The following STK32A variants were observed in gnomAD, a reference collection of about 807,000 sequenced individuals.
The protein encoded by STK32A is serine/threonine-protein kinase 32A.
A neutral mutation model predicts 53.2 loss-of-function variants in STK32A; 41 were observed. The ratio of observed to expected loss-of-function variants is 0.77; its 90% CI spans 0.60 to 1.00. The LOEUF is 1.00. Among genes scored for constraint, STK32A ranks in the 50% least tolerant of loss-of-function variants. The pLI, the probability that STK32A is intolerant of heterozygous loss-of-function variation, is 0.00. For missense variants in STK32A, 458 were observed against 485.8 expected (o/e 0.94, Z 0.54); for synonymous variants, 166 against 162.8 (o/e 1.02, Z -0.15).
intron 6 of STK32A, among the ~76,000 whole-genome samples, chr5:147,349,794 G>A (rs984119388): frequency 6.6e-6 from 1 of 152,058 alleles, no homozygotes; most frequent in Non-Finnish European, 1.5e-5. Flanking sequence ...CCAGTCTAGT[G>A]CTCTTTATAG....
intron 7 of STK32A, among the ~76,000 whole-genome samples, chr5:147,355,790 G>A (rs1323817939): frequency 0.035 from 4,740 of 136,730 alleles, 284 homozygotes; most frequent in African/African-American, 0.12. Context: ...GAGTGTGTGT[G>A]TGTATATATA....
At chr5:147,394,357 C>T in the STK32A span, among the ~76,000 whole-genome samples, 1 of 152,154 alleles carries the variant, frequency 6.6e-6, no homozygotes, top group African/African-American at 2.4e-5. Context: ...TTTCATCTGA[C>T]CCAGAGCATG....
chr5:147,396,962 G>A, the STK32A span, among the ~76,000 whole-genome samples: 2 of 131,388 alleles, frequency 1.5e-5, no homozygotes, highest in Admixed American at 7.9e-5. Context: ...ACGCATTTTT[G>A]TTTTTAATTA....
chr5:147,367,494 C>T (rs745438892), intron 8 of STK32A, among the ~76,000 whole-genome samples: 17 of 151,884 alleles, frequency 1.1e-4, no homozygotes, highest in Admixed American at 4.6e-4. Flanking sequence ...GGGCTGAGTC[C>T]GAAAAGAGAA....
chr5:147,306,694 T>C (rs926804562), intron 4 of STK32A, among the ~76,000 whole-genome samples: 1 of 152,090 alleles, frequency 6.6e-6, no homozygotes, highest in African/African-American at 2.4e-5. Context: ...GTATAATAAA[T>C]TTTAAATCTT....
chr5:147,300,949 C>T (rs1442999540), intron 4 of STK32A, among the ~76,000 whole-genome samples: 1 of 152,098 alleles, frequency 6.6e-6, no homozygotes, highest in East Asian at 1.9e-4. Flanking sequence ...GGCACAGGGG[C>T]CAAGGGAAAA....
At chr5:147,323,853 T>A in intron 4 of STK32A, 45 bp from the exon 5 acceptor site, 1 of 1,506,866 alleles carries the variant, frequency 6.6e-7, no homozygotes. Context: ...GACTCTTTAA[T>A]GTGTAAATAT....
At chr5:147,260,000 T>C (rs1308816316) in intron 2 of STK32A, among the ~76,000 whole-genome samples, 2 of 126,616 alleles carry the variant, frequency 1.6e-5, no homozygotes, top group African/African-American at 3.1e-5. Context: ...CTCTCTCTCT[T>C]TCTCTCTCCT....
intron 5 of STK32A, among the ~76,000 whole-genome samples, chr5:147,331,359 A>G (rs1244778813): frequency 6.6e-6 from 1 of 152,196 alleles, no homozygotes; most frequent in South Asian, 2.1e-4. Flanking sequence ...GAGGGGATTA[A>G]GCAACTTGCC....
intron 2 of STK32A, among the ~76,000 whole-genome samples, chr5:147,266,356 C>A (rs1754809428): frequency 6.6e-6 from 1 of 152,100 alleles, no homozygotes; most frequent in Admixed American, 6.6e-5. Context: ...AATATTAGAA[C>A]AACATTCAAA....
intron 4 of STK32A, among the ~76,000 whole-genome samples, chr5:147,288,643 TCACTA>T (rs897085935): frequency 1.3e-5 from 2 of 150,724 alleles, no homozygotes; most frequent in Non-Finnish European, 3.0e-5. Context: ...GAGGAGAGAG[TCACTA>T]CACACTTTTA....
intron 6 of STK32A, 94 bp downstream of exon 6, chr5:147,343,137 T>C: frequency 2.9e-6 from 4 of 1,356,942 alleles, no homozygotes; most frequent in Non-Finnish European, 4.2e-6. Flanking sequence ...GAAAAAGGTA[T>C]TTTGTTCTAT....
chr5:147,334,611 G>A (rs75404872), intron 5 of STK32A, among the ~76,000 whole-genome samples: 3,471 of 152,294 alleles, frequency 0.023, 65 homozygotes, highest in Non-Finnish European at 0.033. Context: ...TAGTTCATAA[G>A]GTTGTTTGAG....
At chr5:147,341,422 G>A (rs956748647) in intron 5 of STK32A, among the ~76,000 whole-genome samples, 1 of 152,184 alleles carries the variant, frequency 6.6e-6, no homozygotes, top group Admixed American at 6.5e-5. Flanking sequence ...GATAGAATAT[G>A]ATATTAATCA....
At chr5:147,341,813 C>T (rs1755427323) in intron 5 of STK32A, among the ~76,000 whole-genome samples, 1 of 152,086 alleles carries the variant, frequency 6.6e-6, no homozygotes, top group Non-Finnish European at 1.5e-5. Flanking sequence ...ATCAAAGTAT[C>T]ATGTTGGCCA....
chr5:147,351,601 C>T (rs1373532211), intron 7 of STK32A, among the ~76,000 whole-genome samples: 2 of 151,792 alleles, frequency 1.3e-5, no homozygotes, highest in Admixed American at 6.6e-5. Flanking sequence ...GTAATCCCAG[C>T]ACTTTGGGAG....
intron 11 of STK32A, among the ~76,000 whole-genome samples, chr5:147,381,549 A>G (rs925631745): frequency 6.6e-6 from 1 of 152,052 alleles, no homozygotes; most frequent in Non-Finnish European, 1.5e-5. Context: ...TGGCTAAGGC[A>G]AGAGAATCTC....
chr5:147,378,060 G>A (rs1303000795), intron 11 of STK32A, among the ~76,000 whole-genome samples: 1 of 152,062 alleles, frequency 6.6e-6, no homozygotes, highest in Non-Finnish European at 1.5e-5. Flanking sequence ...TTTAAAACAT[G>A]AGTCAATCTT....
At chr5:147,391,425 T>A (rs1160930114), downstream of STK32A, 1 of 152,420 alleles carries the variant, frequency 6.6e-6, no homozygotes, top group Non-Finnish European at 1.5e-5. Context: ...AGAACCGGGA[T>A]GGATTGCCAT....
Sources: gnomAD v4.1 joint callset for allele counts (sites outside exome capture counted in the v4.1 genomes callset) on GRCh38, gnomAD v4.1.1 for gene constraint, MANE v1.5 for transcripts, NCBI Gene and HGNC (gene_info 2026-07-23, HGNC 2026-07-21) for gene names.